PDE4B: variants seen among roughly 807,000 people sequenced by gnomAD.
The protein encoded by PDE4B is phosphodiesterase 4B, also known as 3',5'-cyclic-AMP phosphodiesterase 4B.
A neutral mutation model predicts 82.2 loss-of-function variants in PDE4B; 20 were observed. That is an observed-to-expected ratio of 0.24 (90% CI 0.17 to 0.35). The LOEUF (loss-of-function observed/expected upper bound fraction) is 0.35, where lower values mean the gene tolerates loss of function less well. PDE4B is among the 10% of genes least tolerant of loss of function. PDE4B has a pLI of 1.00. For synonymous variants in PDE4B, 320 were observed against 318.9 expected, an observed-to-expected ratio of 1.00 and a Z score of -0.04; for missense variants, 655 against 907.2, an observed-to-expected ratio of 0.72 and a Z score of 3.57.
chr1:66,032,417 T>C (rs1361024595), intron 3 of PDE4B, among the ~76,000 whole-genome samples: 1 of 152,182 alleles, frequency 6.6e-6, no homozygotes, highest in East Asian at 1.9e-4. Context: ...TAAAGACACA[T>C]ATAAAGTGTA....
At chr1:66,138,095 C>T (rs977087752) in intron 3 of PDE4B, among the ~76,000 whole-genome samples, 11 of 152,158 alleles carry the variant, frequency 7.2e-5, no homozygotes, top group African/African-American at 2.7e-4. Context: ...CTACAGTTCC[C>T]ACAGTTTAAA....
At chr1:66,175,744 A>T (rs1470461489) in intron 3 of PDE4B, among the ~76,000 whole-genome samples, 1 of 152,172 alleles carries the variant, frequency 6.6e-6, no homozygotes, top group Non-Finnish European at 1.5e-5. Flanking sequence ...CTTCCTCTCT[A>T]TGCTATATAA....
At chr1:66,080,618 G>A (rs1656673312) in intron 3 of PDE4B, among the ~76,000 whole-genome samples, 1 of 152,142 alleles carries the variant, frequency 6.6e-6, no homozygotes, top group South Asian at 2.1e-4. Context: ...GTGTCCCCAG[G>A]TGCTGAGGAG....
chr1:65,835,961 G>C (rs986144910), intron 1 of PDE4B, among the ~76,000 whole-genome samples: 30 of 150,882 alleles, frequency 2.0e-4, no homozygotes, highest in African/African-American at 6.3e-4. Context: ...TTTTTTCCGA[G>C]ATGGAGTCTT....
chr1:65,816,336 A>G (rs907311596), intron 1 of PDE4B, among the ~76,000 whole-genome samples: 4 of 152,062 alleles, frequency 2.6e-5, no homozygotes, highest in African/African-American at 9.7e-5. Context: ...TTAATTCTCC[A>G]TAGTAACCAA....
At chr1:65,926,906 A>G (rs1476130760) in intron 3 of PDE4B, among the ~76,000 whole-genome samples, 1 of 152,188 alleles carries the variant, frequency 6.6e-6, no homozygotes, top group African/African-American at 2.4e-5. Context: ...AAGAATAAGA[A>G]TTATACTGGA....
At position 66,372,743 on chromosome 1, in the gene PDE4B, C is replaced by G. The variant is rs1162650621; in HGVS notation, c.*65C>G. The G allele has an allele frequency of 2.6e-6, 4 of 1,524,758 alleles. No individual in the cohort carries two copies. Among genetic ancestry groups the G allele is most frequent in the East Asian group, 2.3e-5 (1 of 44,244 alleles). The allele number at this position is 1,524,758 out of a possible 1,614,324, so 94.5% of individuals were successfully genotyped here. ...GAGCATGCCAGCTATGTGGTAGGGC[C>G]AGCCCACCATGGGGGCCAAGACCTG... On this transcript the variant is annotated 3_prime_UTR_variant, in exon 17 of 17. Coordinates refer to ENST00000341517, the MANE Select transcript of PDE4B (RefSeq NM_002600.4).
intron 7 of PDE4B, among the ~76,000 whole-genome samples, chr1:66,285,078 T>G: frequency 6.6e-6 from 1 of 152,152 alleles, no homozygotes. Flanking sequence ...AAGATGAAAT[T>G]ACGACAAGAG....
rs140190407 is a variant in PDE4B, at chr1:66,058,551, C to T, written c.281+139716C>T. On this transcript the variant is annotated intron_variant, in intron 3 of 16. Coordinates refer to ENST00000341517, the MANE Select transcript of PDE4B (RefSeq NM_002600.4). The stretch of plus-strand genomic sequence containing the variant: ...TGGGCATGCAGGCATTTCCATACAT[C>T]CTCTGAAGTCTAAGCAGAGGTTCCC... 6.5e-4 allele frequency among the ~76,000 whole-genome samples: 99 copies of T among 152,344 alleles called. 4 individuals are homozygous for T. The highest frequency in any genetic ancestry group is 2.3e-3 in the African/African-American group (96 of 41,582).
At chr1:66,097,155 C>G (rs1257732338) in intron 3 of PDE4B, among the ~76,000 whole-genome samples, 3 of 151,956 alleles carry the variant, frequency 2.0e-5, no homozygotes, top group Non-Finnish European at 4.4e-5. Flanking sequence ...AGTATACGTT[C>G]AACTTTAGAA....
rs573107766 is a variant in PDE4B, at chr1:65,941,558, T to G, written c.281+22723T>G. On this transcript the variant is annotated intron_variant, in intron 3 of 16. Coordinates refer to ENST00000341517, the MANE Select transcript of PDE4B (RefSeq NM_002600.4). ...GAGAAAACCTTTAAGATATACCTCA[T>G]GAAATAGAGTTACTGGGGGAGGCAG... Among the ~76,000 whole-genome samples, 114 of 152,016 alleles carry G rather than the reference T, an allele frequency of 7.5e-4. 1 individual carries two copies. The highest frequency in any genetic ancestry group is 2.6e-3 in the African/African-American group (109 of 41,482).
chr1:65,847,718 A>G (rs756886220), intron 1 of PDE4B, among the ~76,000 whole-genome samples: 10 of 152,204 alleles, frequency 6.6e-5, no homozygotes, highest in Non-Finnish European at 8.8e-5. Context: ...GAGAACTAAG[A>G]AGCAGAAGGT....
chr1:66,264,409 A>G (rs562786190), intron 6 of PDE4B, among the ~76,000 whole-genome samples: 50 of 152,314 alleles, frequency 3.3e-4, no homozygotes, highest in African/African-American at 1.2e-3. Context: ...GGCTGTGCCA[A>G]TTATAAATCA....
chr1:65,959,211 A>G (rs889610468), intron 3 of PDE4B, among the ~76,000 whole-genome samples: 70 of 152,210 alleles, frequency 4.6e-4, no homozygotes, highest in Middle Eastern at 6.8e-3. Flanking sequence ...TGAAAACAAT[A>G]CTCTCTGATT....
intron 3 of PDE4B, among the ~76,000 whole-genome samples, chr1:66,208,849 T>G (rs1472591737): frequency 6.6e-6 from 1 of 152,216 alleles, no homozygotes; most frequent in Non-Finnish European, 1.5e-5. Context: ...CATTTAATTC[T>G]TACCAAAACT....
chr1:66,280,234 G>A lies in PDE4B; in HGVS notation c.634+14147G>A, dbSNP rs114515690. On this transcript the variant is annotated intron_variant, in intron 7 of 16. Coordinates refer to ENST00000341517, the MANE Select transcript of PDE4B (RefSeq NM_002600.4). The stretch of plus-strand genomic sequence containing the variant: ...AATGATAGTTCGAAAGACCAGAAGC[G>A]CAAGCTATTGGTACTTTGAACACCT... Among the ~76,000 whole-genome samples, 505 of 152,348 alleles carry A rather than the reference G, an allele frequency of 3.3e-3. 1 individual carries two copies. Among genetic ancestry groups the A allele is most frequent in the African/African-American group, 0.011 (472 of 41,578 alleles).
intron 3 of PDE4B, among the ~76,000 whole-genome samples, chr1:66,156,992 C>T (rs1282510380): frequency 6.6e-6 from 1 of 152,148 alleles, no homozygotes; most frequent in African/African-American, 2.4e-5. Flanking sequence ...CTATCTTCAA[C>T]CCAGTTCTCT....
intron 8 of PDE4B, among the ~76,000 whole-genome samples, chr1:66,353,484 T>G (rs946347735): frequency 4.6e-5 from 7 of 152,188 alleles, no homozygotes; most frequent in African/African-American, 1.7e-4. Flanking sequence ...GGGGAATGCC[T>G]CACAGGAAAA....
At chr1:66,306,639 A>G (rs1208101475) in intron 7 of PDE4B, among the ~76,000 whole-genome samples, 1 of 152,130 alleles carries the variant, frequency 6.6e-6, no homozygotes, top group Non-Finnish European at 1.5e-5. Context: ...AGAAGACTTA[A>G]TCATTTTTAA....
Sources: gnomAD v4.1 joint callset for allele counts (sites outside exome capture counted in the v4.1 genomes callset) on GRCh38, gnomAD v4.1.1 for gene constraint, MANE v1.5 for transcripts, NCBI Gene and HGNC (gene_info 2026-07-23, HGNC 2026-07-21) for gene names.